BTN2A1: variants seen among roughly 807,000 people sequenced by gnomAD.
BTN2A1 encodes the protein butyrophilin, subfamily 2, member A1.
A neutral mutation model predicts 34.5 loss-of-function variants in BTN2A1; 41 were observed. The observed-to-expected ratio is 1.19, with a 90% CI of 0.93 to 1.54. The LOEUF (loss-of-function observed/expected upper bound fraction) is 1.54, where lower values mean the gene tolerates loss of function less well. Ranked by LOEUF, BTN2A1 falls within the 40% of genes most tolerant of loss-of-function variation. The probability of loss-of-function intolerance (pLI) is 0.00; values close to 1 mark genes in which losing one functional copy is unlikely to be tolerated. For missense variants in BTN2A1, 642 were observed against 662.0 expected, an observed-to-expected ratio of 0.97 and a Z score of 0.33; for synonymous variants, 267 against 258.6, an observed-to-expected ratio of 1.03 and a Z score of -0.31.
chr6:26,468,264 C>G lies in BTN2A1; in HGVS notation c.1299C>G (p.Ala433=). 1 of 1,614,186 alleles carries G rather than the reference C, an allele frequency of 6.2e-7. No individual in the cohort carries two copies. The highest frequency in any genetic ancestry group is 8.5e-7 in the Non-Finnish European group (1 of 1,180,030). Residue 433 remains alanine (A), a synonymous_variant, in exon 8 of 8, where the codon GCC becomes GCG. Coordinates refer to ENST00000312541, the MANE Select transcript of BTN2A1 (RefSeq NM_007049.5). ...AGATGCATAAAGGGCAATACCGGGCCGTGTCCTCCCCTGATAGGATTCTCC... is the reference window on the plus strand; with the variant it reads ...AGATGCATAAAGGGCAATACCGGGCGGTGTCCTCCCCTGATAGGATTCTCC... ...TLEMHKGQYR[A]VSSPDRILPL... is the part of the protein sequence containing the mutation.
intron 3 of BTN2A1, among the ~76,000 whole-genome samples, chr6:26,461,882 A>C (rs953889634): frequency 1.3e-5 from 2 of 152,090 alleles, no homozygotes; most frequent in South Asian, 2.1e-4. Flanking sequence ...GTAGCTGGGC[A>C]TGGTGGCACA....
Position 26,459,768 on chromosome 6 carries a change from C to T in BTN2A1, c.370C>T (p.Arg124Cys), listed in dbSNP as rs3734539. The change falls in exon 3 of 8, where the codon CGC becomes TGC. Residue 124 changes from arginine (R) to cysteine (C), a missense_variant. Physicochemically the swap from Arg to Cys is radical, Grantham distance 180. Coordinates refer to ENST00000312541, the MANE Select transcript of BTN2A1 (RefSeq NM_007049.5). ...NITAQENGTY[R>C]CYFQEGRSYD... ...CACAGCCCAGGAAAACGGCACCTAC[C>T]GCTGTTACTTCCAAGAAGGCAGGTC... 2,370 of 1,614,140 alleles carry T rather than the reference C, an allele frequency of 1.5e-3. 68 individuals carry two copies. The East Asian group carries it at 0.051, about 35-fold the overall frequency.
chr6:26,470,668 T>TTC (rs149184891), downstream of BTN2A1, among the ~76,000 whole-genome samples: 9 of 151,222 alleles, frequency 6.0e-5, no homozygotes, highest in East Asian at 1.9e-4. Flanking sequence ...GAAAGGTGAA[T>TTC]TCTCTCTCTC....
At chr6:26,465,760 G>A (rs1763294768) in intron 5 of BTN2A1, 193 bp from the exon 6 acceptor site, 2 of 948,460 alleles carry the variant, frequency 2.1e-6, no homozygotes, top group African/African-American at 1.8e-5. Flanking sequence ...TTGAGCAAAA[G>A]CAAGTGTAAC....
downstream of BTN2A1, among the ~76,000 whole-genome samples, chr6:26,471,670 G>A (rs1175733554): frequency 6.6e-6 from 1 of 151,774 alleles, no homozygotes; most frequent in East Asian, 1.9e-4. Context: ...AGGAAAGGAA[G>A]GAAGGAAGGA....
chr6:26,471,721 T>C (rs1763455195), downstream of BTN2A1, among the ~76,000 whole-genome samples: 1 of 152,148 alleles, frequency 6.6e-6, no homozygotes, highest in African/African-American at 2.4e-5. Context: ...TGTTAATTTC[T>C]GAGATGGGGA....
chr6:26,463,758 T>C (rs1763237995), intron 4 of BTN2A1, among the ~76,000 whole-genome samples: 2 of 142,964 alleles, frequency 1.4e-5, no homozygotes, highest in South Asian at 4.2e-4. Flanking sequence ...TTTGTTGTTG[T>C]TGTTGTTGTT....
intron 4 of BTN2A1, among the ~76,000 whole-genome samples, chr6:26,464,368 GATTA>G (rs1188820339): frequency 6.6e-6 from 1 of 152,202 alleles, no homozygotes; most frequent in Non-Finnish European, 1.5e-5. Context: ...CTCAAAAAGT[GATTA>G]GTTAGCTAAC....
intron 5 of BTN2A1, 65 bp from the exon 6 acceptor site, chr6:26,465,888 T>C: frequency 6.2e-7 from 1 of 1,612,078 alleles, no homozygotes; most frequent in Non-Finnish European, 8.5e-7. Context: ...CTGCATTGTT[T>C]ACTAAAAACC....
chr6:26,475,791 A>C (rs948089570), intron 7 of BTN2A1, among the ~76,000 whole-genome samples: 6 of 152,130 alleles, frequency 3.9e-5, no homozygotes, highest in Admixed American at 2.6e-4. Context: ...AGAAAAATGT[A>C]CTGGATTGAG....
intron 5 of BTN2A1, 84 bp from the exon 6 acceptor site, chr6:26,465,869 G>A: frequency 6.2e-7 from 1 of 1,600,856 alleles, no homozygotes; most frequent in Non-Finnish European, 8.5e-7. Context: ...TTCATAGAAA[G>A]GACGGTTCCT....
downstream of BTN2A1, among the ~76,000 whole-genome samples, chr6:26,474,246 C>A (rs150607913): frequency 6.6e-6 from 1 of 152,228 alleles, no homozygotes; most frequent in Non-Finnish European, 1.5e-5. Context: ...GAACTTCAGT[C>A]GGCGGCAGTC....
At chr6:26,465,918 T>TAAA (rs1763300326) in intron 5 of BTN2A1, 35 bp from the exon 6 acceptor site, 1 of 1,613,946 alleles carries the variant, frequency 6.2e-7, no homozygotes, top group Non-Finnish European at 8.5e-7. Context: ...TTAGTTCTTC[T>TAAA]GTCAAAGACA....
In BTN2A1 at chr6:26,465,352, C is replaced by G. The variant is rs144232372; in HGVS notation, c.880C>G (p.Leu294Val). The G allele has an allele frequency of 2.2e-5, 35 of 1,613,906 alleles. No homozygotes were observed. In the African/African-American group the frequency reaches 3.3e-4, roughly 15 times the overall value. ...TGAACGGGAAACAAGAGAAATTGCT[C>G]TAAAGGAACTGGAGAAAGAACGTGT... The part of the protein sequence containing the change: ...EFERETREIA[L>V]KELEKERVQK... Residue 294 changes from leucine (L) to valine (V), a missense_variant, in exon 5 of 8, where the codon CTA becomes GTA. Coordinates refer to ENST00000312541, the MANE Select transcript of BTN2A1 (RefSeq NM_007049.5).
chr6:26,463,286 A>G lies in BTN2A1; in HGVS notation c.473A>G (p.Asp158Gly). Residue 158 changes from aspartate (D) to glycine (G), a missense_variant, in exon 4 of 8, where the codon GAC becomes GGC. Transcript: ENST00000312541. ...KPLISMRGHEDGGIRLECISR... is the reference protein window; with the variant it reads ...KPLISMRGHEGGGIRLECISR... The stretch of plus-strand genomic sequence containing the variant: ...CTCATTTCAATGAGGGGCCATGAAG[A>G]CGGGGGCATCCGGCTGGAGTGCATA... 7 of 1,613,422 alleles carry G rather than the reference A, an allele frequency of 4.3e-6. No individual in the cohort carries two copies. The highest frequency in any genetic ancestry group is 5.9e-6 in the Non-Finnish European group (7 of 1,179,586).
In BTN2A1 at chr6:26,459,498, G is replaced by A. The variant is rs762006799; in HGVS notation, c.100G>A (p.Gly34Arg). Reference protein sequence around the residue: ...ALVSAQFIVVGPTDPILATVG... With the variant: ...ALVSAQFIVVRPTDPILATVG... ...TTGAACAGCCCAGTTTATTGTCGTG[G>A]GGCCCACTGATCCCATCTTGGCCAC... is the stretch of plus-strand genomic sequence containing the variant. The change falls in exon 3 of 8, where the codon GGG (glycine) becomes AGG (arginine). Residue 34 changes from glycine (G) to arginine (R), a missense_variant. Coordinates refer to ENST00000312541, the MANE Select transcript of BTN2A1 (RefSeq NM_007049.5). 1 of 1,613,842 alleles carries A rather than the reference G, an allele frequency of 6.2e-7. No individual in the cohort carries two copies.
Position 26,468,729 on chromosome 6 carries a change from C to T in BTN2A1, c.*180C>T. On this transcript the variant is annotated 3_prime_UTR_variant, in exon 8 of 8. Transcript: ENST00000312541. ...CCCCAGTTTTCTCCTCCTCACTAGG[C>T]TGTGTTTTTAGTAGTTCCTTTGCTT... 1 of 1,612,386 alleles carries T rather than the reference C, an allele frequency of 6.2e-7. No homozygotes were observed. The highest frequency in any genetic ancestry group is 1.1e-5 in the South Asian group (1 of 90,194).
rs767217903 is a variant in BTN2A1, at chr6:26,463,253, C to G, written c.440C>G (p.Ser147Cys). ...TGATATCTCTCCACAGGACTAGGCT[C>G]TAAGCCCCTCATTTCAATGAGGGGC... ...ILHLVVAGLGSKPLISMRGHE... is the reference protein window; with the variant it reads ...ILHLVVAGLGCKPLISMRGHE... Residue 147 changes from serine to cysteine, a missense_variant, in exon 4 of 8, where the codon TCT (serine) becomes TGT (cysteine). Coordinates refer to ENST00000312541, the MANE Select transcript of BTN2A1 (RefSeq NM_007049.5). 21 of 1,604,868 alleles carry G rather than the reference C, an allele frequency of 1.3e-5. No individual in the cohort carries two copies. In the Admixed American group the frequency reaches 3.6e-4, roughly 27 times the overall value.
At chr6:26,462,912 C>T in intron 3 of BTN2A1, 1 of 1,276,384 alleles carries the variant, frequency 7.8e-7, no homozygotes, top group African/African-American at 1.5e-5. Flanking sequence ...GAAAATTAGT[C>T]TGGCAGGATA....
Sources: gnomAD v4.1 joint callset for allele counts (sites outside exome capture counted in the v4.1 genomes callset) on GRCh38, gnomAD v4.1.1 for gene constraint, MANE v1.5 for transcripts, NCBI Gene and HGNC (gene_info 2026-07-23, HGNC 2026-07-21) for gene names.